ZDHHC4: variants seen among roughly 807,000 people sequenced by gnomAD.
ZDHHC4 encodes zDHHC palmitoyltransferase 4.
In ZDHHC4, 42 loss-of-function variants were observed where a neutral mutation model predicts 36.7. That is an observed-to-expected ratio of 1.14 (90% CI 0.89 to 1.48). The LOEUF (loss-of-function observed/expected upper bound fraction) is 1.48, where lower values mean the gene tolerates loss of function less well. Ranked by LOEUF, ZDHHC4 falls within the 40% of genes most tolerant of loss-of-function variation. ZDHHC4 has a pLI of 0.00. For synonymous variants in ZDHHC4, 189 were observed against 166.6 expected (o/e 1.13, Z -1.03); for missense variants, 457 against 421.5 (o/e 1.08, Z -0.74).
intron 1 of ZDHHC4, among the ~76,000 whole-genome samples, chr7:6,578,285 G>A (rs967099895): frequency 6.6e-6 from 1 of 151,828 alleles, no homozygotes; most frequent in East Asian, 1.9e-4. Flanking sequence ...GGGCCACCAC[G>A]CCCCACTGAT....
In ZDHHC4 at chr7:6,588,967, C is replaced by T. The variant is rs112386861; in HGVS notation, c.*57C>T. The T allele has an allele frequency of 7.5e-4, 1,171 of 1,553,180 alleles. 7 individuals carry two copies. The African/African-American group carries it at 0.013, about 17-fold the overall frequency. On this transcript the variant is annotated 3_prime_UTR_variant, in exon 8 of 8. Coordinates refer to ENST00000335965, the MANE Select transcript of ZDHHC4 (RefSeq NM_001134389.2). ...CCGTTTATTTACACATGTGGATCCT[C>T]GTTTTCCAAGCATGGCTTGTTTGTT...
intron 7 of ZDHHC4, among the ~76,000 whole-genome samples, 181 bp downstream of exon 7, chr7:6,585,441 C>G (rs965391523): frequency 6.7e-6 from 1 of 150,188 alleles, no homozygotes; most frequent in Admixed American, 6.6e-5. Context: ...CTGGGCAACA[C>G]CCAAATGTCC....
At chr7:6,583,666 G>A (rs1781027703) in intron 6 of ZDHHC4, 5 of 447,260 alleles carry the variant, frequency 1.1e-5, no homozygotes, top group Non-Finnish European at 1.9e-5. Flanking sequence ...CCCTCGCCAC[G>A]TGGCAGGACA....
At position 6,588,646 on chromosome 7, in the gene ZDHHC4, C is replaced by G; in HGVS notation, c.771C>G (p.Val257=). Residue 257 remains valine (V), a synonymous_variant, in exon 8 of 8, where the codon GTC becomes GTG. Coordinates refer to ENST00000335965, the MANE Select transcript of ZDHHC4 (RefSeq NM_001134389.2). Reference sequence around the variant, plus strand: ...TGTTCCTGACTTTTCCACGGATTGTCTTCATGCTGGGCTTTGTCGTGGTTC... The same window carrying G: ...TGTTCCTGACTTTTCCACGGATTGTGTTCATGCTGGGCTTTGTCGTGGTTC... ...QYLFLTFPRI[V]FMLGFVVVLS... 1.2e-6 allele frequency: 2 copies of G among 1,614,192 alleles called. No homozygotes were observed. Among genetic ancestry groups the G allele is most frequent in the Non-Finnish European group, 1.7e-6 (2 of 1,180,034 alleles).
Position 6,581,798 on chromosome 7 carries a change from C to T in ZDHHC4, c.191+118C>T, listed in dbSNP as rs533163762. 642 of 887,974 alleles carry T rather than the reference C, an allele frequency of 7.2e-4. 7 individuals carry two copies. Among genetic ancestry groups the T allele is most frequent in the Admixed American group, 3.8e-4 (13 of 33,808 alleles). 55.0% of individuals were successfully genotyped at this position (887,974 alleles called of 1,614,324 possible). ...TCCAGCATGGTGAGGGAAAGAAGGC[C>T]GGAAAGAATCACGAGTCCTGAGTTG... On this transcript the variant is annotated intron_variant, in intron 4 of 7. Transcript: ENST00000335965.
At chr7:6,581,825 G>C (rs1780874508) in intron 4 of ZDHHC4, 145 bp downstream of exon 4, 7 of 781,108 alleles carry the variant, frequency 9.0e-6, no homozygotes, top group Non-Finnish European at 1.4e-5. Context: ...CCTGAGTTGG[G>C]AGCCTCTACT....
chr7:6,583,651 C>A lies in ZDHHC4; in HGVS notation c.496+220C>A, dbSNP rs145762380. On this transcript the variant is annotated intron_variant, in intron 6 of 7. Transcript: ENST00000335965. ...CAGTCCTCATCTCTGGGCATAACAG[C>A]CCTTCCCTCGCCACGTGGCAGGACA... 2,348 of 505,806 alleles carry A rather than the reference C, an allele frequency of 4.6e-3. 53 individuals are homozygous for A. The highest frequency in any genetic ancestry group is 0.043 in the African/African-American group (2,138 of 50,058). 31.3% of individuals were successfully genotyped at this position (505,806 alleles called of 1,614,324 possible). A position where few individuals can be genotyped will look rare whatever the true frequency, so the allele number is the denominator to read the frequency against.
chr7:6,583,429 G>T lies in ZDHHC4; in HGVS notation c.494G>T (p.Cys165Phe), dbSNP rs776608781. ...DLRKPARSKH[C>F]SVCNWCVHRF... is the part of the protein sequence containing the mutation. ...AGGAAACCAGCTCGATCCAAGCACT[G>T]CAGTGAGTGTGGCTCTCGTGACTCC... Residue 165 changes from cysteine (C) to phenylalanine (F), a missense_variant and splice_region_variant, in exon 6 of 8, where the codon TGC (cysteine) becomes TTC (phenylalanine). Transcript: ENST00000335965. 1 of 1,608,796 alleles carries T rather than the reference G, an allele frequency of 6.2e-7. No individual in the cohort carries two copies. The highest frequency in any genetic ancestry group is 1.1e-5 in the South Asian group (1 of 90,574).
chr7:6,586,634 C>T (rs1393035811), intron 7 of ZDHHC4, among the ~76,000 whole-genome samples: 2 of 152,120 alleles, frequency 1.3e-5, no homozygotes, highest in Admixed American at 6.6e-5. Context: ...AGCCACCACG[C>T]CTGGCTAATT....
In ZDHHC4 at chr7:6,585,136, C is replaced by T. The variant is rs763466537; in HGVS notation, c.617C>T (p.Ala206Val). The T allele has an allele frequency of 3.7e-6, 6 of 1,614,146 alleles. No homozygotes were observed. The Admixed American group carries it at 1.0e-4, about 27-fold the overall frequency. ...GTCTTGACCTTGACGGCCTCGGCTG[C>T]CACCGTCGCCATTGTGAGCACCACT... is the stretch of plus-strand genomic sequence containing the variant. ...IYVLTLTASA[A>V]TVAIVSTTFL... The change falls in exon 7 of 8, where the codon GCC becomes GTC. Residue 206 changes from alanine to valine, a missense_variant. Coordinates refer to ENST00000335965, the MANE Select transcript of ZDHHC4 (RefSeq NM_001134389.2).
chr7:6,580,734 C>T (rs2115158115), intron 3 of ZDHHC4, 56 bp downstream of exon 3: 1 of 1,550,214 alleles, frequency 6.5e-7, no homozygotes, highest in Non-Finnish European at 8.9e-7. Context: ...GTCTAAGAGA[C>T]TCACAGGTTT....
chr7:6,581,134 G>T, intron 3 of ZDHHC4: 2 of 205,254 alleles, frequency 9.7e-6, no homozygotes, highest in Non-Finnish European at 1.8e-5. Flanking sequence ...GCACTTAATG[G>T]GTGACTCTGG....
At position 6,588,517 on chromosome 7, in the gene ZDHHC4, G is replaced by C. The variant is rs1781420673; in HGVS notation, c.742-100G>C. On this transcript the variant is annotated intron_variant, in intron 7 of 7. Transcript: ENST00000335965. ...GGACACAAGTAGGTGGGCTGAGGAA[G>C]CAGCGCTGGTGGCTGTGGCAGGCCC... is the stretch of plus-strand genomic sequence containing the variant. The C allele has an allele frequency of 2.3e-6, 3 of 1,284,006 alleles. No homozygotes were observed. The Admixed American group carries it at 5.9e-5, about 25-fold the overall frequency. The allele number at this position is 1,284,006 out of a possible 1,614,324, so 79.5% of individuals were successfully genotyped here. A position where few individuals can be genotyped will look rare whatever the true frequency, so the allele number is the denominator to read the frequency against.
At chr7:6,582,360 G>T in intron 5 of ZDHHC4, 109 bp downstream of exon 5, 2 of 1,019,922 alleles carry the variant, frequency 2.0e-6, no homozygotes, top group East Asian at 2.5e-5. Context: ...GATTTGATGT[G>T]TAGCATTTTC....
At chr7:6,580,002 G>T (rs983187874) in intron 2 of ZDHHC4, among the ~76,000 whole-genome samples, 1 of 152,032 alleles carries the variant, frequency 6.6e-6, no homozygotes, top group Non-Finnish European at 1.5e-5. Flanking sequence ...CAGGCATGGG[G>T]TGCGTGCCTA....
At chr7:6,584,770 C>T in intron 6 of ZDHHC4, 1 of 521,044 alleles carries the variant, frequency 1.9e-6, no homozygotes, top group Non-Finnish European at 3.4e-6. Context: ...TAGCTGGGAC[C>T]ATGGGTGCAT....
At chr7:6,586,728 G>A (rs1276227179) in intron 7 of ZDHHC4, among the ~76,000 whole-genome samples, 2 of 152,020 alleles carry the variant, frequency 1.3e-5, no homozygotes, top group African/African-American at 4.8e-5. Flanking sequence ...CACCCGCCTC[G>A]GCCTCCCAAA....
intron 5 of ZDHHC4, 57 bp downstream of exon 5, chr7:6,582,308 T>A: frequency 6.7e-7 from 1 of 1,485,854 alleles, no homozygotes; most frequent in Admixed American, 1.9e-5. Flanking sequence ...TTACTAATAG[T>A]GCTGCAAACA....
At chr7:6,582,425 G>T in intron 5 of ZDHHC4, 174 bp downstream of exon 5, 6 of 630,360 alleles carry the variant, frequency 9.5e-6, no homozygotes, top group African/African-American at 1.8e-5. Flanking sequence ...TCAACCCATG[G>T]GTTATTTAAA....
Sources: allele counts gnomAD v4.1 joint callset (sites outside exome capture counted in the v4.1 genomes callset), GRCh38; gene constraint gnomAD v4.1.1; transcripts MANE v1.5; gene names NCBI Gene and HGNC (gene_info 2026-07-23, HGNC 2026-07-21).